The following TLK2 variants were observed in gnomAD, a reference collection of about 807,000 sequenced individuals.
TLK2 encodes the protein serine/threonine-protein kinase tousled-like 2.
In TLK2, 6 loss-of-function variants were observed where a neutral mutation model predicts 117.3. The observed-to-expected ratio is 0.05, with a 90% CI of 0.03 to 0.10. The LOEUF (loss-of-function observed/expected upper bound fraction) is 0.10. Ranked by LOEUF, TLK2 falls within the 10% of genes least tolerant of loss-of-function variation. The pLI is 1.00. For synonymous variants in TLK2, 257 were observed against 316.7 expected (o/e 0.81, Z 2.00); for missense variants, 299 against 901.2 (o/e 0.33, Z 8.56).
rs12941655 is a variant in TLK2 at position 62,605,294 on chromosome 17, G to A, written c.1860-836G>A. ...GTGAGCCGAGATCGTGAGTGAAGTG[G>A]GACTAGTGAGAATATTTACCACTCT... On this transcript the variant is annotated intron_variant, in intron 19 of 21. Transcript: ENST00000346027. 5.7e-4 allele frequency among the ~76,000 whole-genome samples: 87 copies of A among 152,206 alleles called. No homozygotes were observed. In the South Asian group the frequency reaches 6.4e-3, roughly 11 times the overall value.
intron 7 of TLK2, among the ~76,000 whole-genome samples, chr17:62,546,537 TTTC>T (rs1182987636): frequency 1.3e-5 from 2 of 148,982 alleles, no homozygotes; most frequent in East Asian, 1.9e-4. Flanking sequence ...TCTGGGAGAT[TTTC>T]TTATTTTCTT....
chr17:62,583,027 T>TG (rs538915316), intron 15 of TLK2, among the ~76,000 whole-genome samples: 113 of 152,348 alleles, frequency 7.4e-4, no homozygotes, highest in African/African-American at 2.6e-3. Context: ...CCTCTGTCGA[T>TG]GGACACTTGG....
chr17:62,592,294 T>C (rs2082139630), intron 16 of TLK2, among the ~76,000 whole-genome samples: 1 of 152,160 alleles, frequency 6.6e-6, no homozygotes, highest in Non-Finnish European at 1.5e-5. Flanking sequence ...GGTAATTACA[T>C]TGTGTAAGCA....
intron 1 of TLK2, among the ~76,000 whole-genome samples, chr17:62,472,541 A>G (rs2070961604): frequency 6.6e-6 from 1 of 151,906 alleles, no homozygotes; most frequent in African/African-American, 2.4e-5. Context: ...GATCGAGAGC[A>G]TCCTGGCTAA....
intron 1 of TLK2, among the ~76,000 whole-genome samples, chr17:62,471,402 A>G (rs2070936826): frequency 6.6e-6 from 1 of 152,236 alleles, no homozygotes. Context: ...TTTTCTCTTC[A>G]AATGGAAGAT....
At chr17:62,592,104 G>A (rs2082125707) in intron 16 of TLK2, among the ~76,000 whole-genome samples, 1 of 151,636 alleles carries the variant, frequency 6.6e-6, no homozygotes, top group Non-Finnish European at 1.5e-5. Context: ...ACAGGCATGC[G>A]CCACCACCCC....
chr17:62,471,197 G>C (rs928508179), intron 1 of TLK2: 4 of 152,208 alleles, frequency 2.6e-5, no homozygotes, highest in Non-Finnish European at 5.9e-5. Context: ...TTGTGCTCTT[G>C]ACTGCCTGGC....
At chr17:62,578,735 T>C (rs567243450) in intron 14 of TLK2, among the ~76,000 whole-genome samples, 161 bp downstream of exon 14, 8 of 152,222 alleles carry the variant, frequency 5.3e-5, no homozygotes, top group Non-Finnish European at 1.0e-4. Flanking sequence ...TGAACAAAAT[T>C]ATGATTTGCC....
At chr17:62,491,495 G>A (rs1028879634) in intron 2 of TLK2, among the ~76,000 whole-genome samples, 3 of 152,174 alleles carry the variant, frequency 2.0e-5, no homozygotes, top group African/African-American at 7.2e-5. Context: ...CTGGTGGTAT[G>A]TTTCACTTGA....
Position 62,612,381 on chromosome 17 carries a change from C to A in TLK2, c.2080-11C>A. Reference sequence around the variant, plus strand: ...TATCTGCCTCTGTCTTCAAGAAACTCTCCTTTGCAGGCGTTTATTCGACGA... The same window carrying A: ...TATCTGCCTCTGTCTTCAAGAAACTATCCTTTGCAGGCGTTTATTCGACGA... On this transcript the variant is annotated splice_polypyrimidine_tract_variant and intron_variant, in intron 21 of 21. Transcript: ENST00000346027. 1 of 1,611,516 alleles carries A rather than the reference C, an allele frequency of 6.2e-7. No homozygotes were observed.
intron 1 of TLK2, among the ~76,000 whole-genome samples, chr17:62,472,850 C>T (rs1250077194): frequency 2.6e-5 from 4 of 152,042 alleles, no homozygotes; most frequent in Non-Finnish European, 5.9e-5. Flanking sequence ...TTATCAGGAC[C>T]AATTGATTTT....
Position 62,580,203 on chromosome 17 carries a change from G to A in TLK2, c.1368+11G>A. 1 of 1,597,282 alleles carries A rather than the reference G, an allele frequency of 6.3e-7. No individual in the cohort carries two copies. The highest frequency in any genetic ancestry group is 8.6e-7 in the Non-Finnish European group (1 of 1,169,228). ...AGTGAAGTTTACAAGGTAAGTATAA[G>A]GAACTGGATACAAAGACTGGGGGTT... On this transcript the variant is annotated intron_variant, in intron 15 of 21. Coordinates refer to ENST00000346027, the MANE Select transcript of TLK2 (RefSeq NM_006852.6).
intron 2 of TLK2, among the ~76,000 whole-genome samples, chr17:62,515,079 G>T (rs1341039655): frequency 1.3e-5 from 2 of 152,150 alleles, no homozygotes; most frequent in African/African-American, 4.8e-5. Context: ...CTGACTCTAT[G>T]AATTTAACTA....
intron 18 of TLK2, 130 bp downstream of exon 18, chr17:62,600,950 G>A (rs1209824118): frequency 2.2e-6 from 2 of 903,786 alleles, no homozygotes; most frequent in Non-Finnish European, 3.3e-6. Flanking sequence ...TTGATTGCCT[G>A]GGTAGGTGTG....
At chr17:62,481,648 CCAGA>C (rs1302977096) in intron 2 of TLK2, among the ~76,000 whole-genome samples, 7 of 152,214 alleles carry the variant, frequency 4.6e-5, no homozygotes, top group African/African-American at 1.7e-4. Context: ...GGTTGCACCC[CCAGA>C]CTGGTTTGTT....
intron 15 of TLK2, among the ~76,000 whole-genome samples, chr17:62,582,884 T>C (rs572597499): frequency 3.3e-5 from 5 of 152,348 alleles, no homozygotes; most frequent in Admixed American, 6.5e-5. Context: ...TCATACTACG[T>C]CTTTTTATAA....
intron 9 of TLK2, among the ~76,000 whole-genome samples, chr17:62,559,424 G>A (rs538652460): frequency 4.0e-5 from 6 of 150,648 alleles, no homozygotes; most frequent in African/African-American, 1.5e-4. Context: ...TGTCACCTAG[G>A]CTGGAGTGCA....
chr17:62,480,484 T>C (rs1214853694), intron 1 of TLK2, among the ~76,000 whole-genome samples: 1 of 152,220 alleles, frequency 6.6e-6, no homozygotes, highest in African/African-American at 2.4e-5. Context: ...AAAGATTTTT[T>C]AAAGGGATTG....
intron 2 of TLK2, among the ~76,000 whole-genome samples, chr17:62,495,435 G>C (rs960554192): frequency 3.3e-5 from 5 of 151,194 alleles, no homozygotes; most frequent in Non-Finnish European, 5.9e-5. Flanking sequence ...TTTATTTTTA[G>C]ATAGGGTCTC....
Sources: gnomAD v4.1 joint callset for allele counts (sites outside exome capture counted in the v4.1 genomes callset) on GRCh38, gnomAD v4.1.1 for gene constraint, MANE v1.5 for transcripts, NCBI Gene and HGNC (gene_info 2026-07-23, HGNC 2026-07-21) for gene names.